The following EPHA5 variants were observed in gnomAD, a reference collection of about 807,000 sequenced individuals.
EPHA5 encodes EPH receptor A5, also known as ephrin type-A receptor 5.
Under a neutral mutation model 105.0 loss-of-function variants are expected in EPHA5, and 60 were observed. That is an observed-to-expected ratio of 0.57 (90% CI 0.46 to 0.71). The LOEUF (loss-of-function observed/expected upper bound fraction) is 0.71. Ranked by LOEUF, EPHA5 falls within the 30% of genes least tolerant of loss-of-function variation. The pLI is 0.00. For synonymous variants in EPHA5, 513 were observed against 449.1 expected, an observed-to-expected ratio of 1.14 and a Z score of -1.80; for missense variants, 1,218 against 1,274.7, an observed-to-expected ratio of 0.96 and a Z score of 0.68.
At chr4:65,400,939 A>G (rs1721751951) in intron 8 of EPHA5, among the ~76,000 whole-genome samples, 1 of 152,036 alleles carries the variant, frequency 6.6e-6, no homozygotes, top group Non-Finnish European at 1.5e-5. Flanking sequence ...TACTTAAATG[A>G]TATGTTACCT....
At chr4:65,493,981 C>T (rs1053136008) in intron 4 of EPHA5, among the ~76,000 whole-genome samples, 3 of 152,160 alleles carry the variant, frequency 2.0e-5, no homozygotes, top group African/African-American at 4.8e-5. Context: ...CATTCATTTG[C>T]TCTCATAAGC....
In EPHA5 at chr4:65,322,325, T is replaced by C. The variant is rs1719700701; in HGVS notation, c.*1789A>G. 4.5e-6 allele frequency: 1 copy of C among 224,542 alleles called. No homozygotes were observed. The highest frequency in any genetic ancestry group is 8.9e-6 in the Non-Finnish European group (1 of 112,548). 13.9% of individuals were successfully genotyped at this position (224,542 alleles called of 1,614,324 possible). ...TATTTCCCAAAAGTTTATTCTTATA[T>C]GTGCTAATATTCAAATAAAACAAGT... On this transcript the variant is annotated 3_prime_UTR_variant, in exon 17 of 17. Coordinates refer to ENST00000613740, the MANE Select transcript of EPHA5 (RefSeq NM_001281766.3).
At chr4:65,341,060 C>T (rs984323186) in intron 14 of EPHA5, among the ~76,000 whole-genome samples, 1 of 152,044 alleles carries the variant, frequency 6.6e-6, no homozygotes, top group Non-Finnish European at 1.5e-5. Context: ...TTCCCTTCAT[C>T]CCTCCTCAAT....
rs1427926861 is a variant in EPHA5, at chr4:65,490,703, G to C, written c.1076C>G (p.Ser359Cys). Residue 359 changes from serine to cysteine, a missense_variant, in exon 5 of 17, where the codon TCT (serine) becomes TGT (cysteine). Physicochemically the swap from Ser to Cys is moderately radical, Grantham distance 112. Coordinates refer to ENST00000613740, the MANE Select transcript of EPHA5 (RefSeq NM_001281766.3). ...PPTMACTRPPSAPRNAISNVN... is the reference protein window; with the variant it reads ...PPTMACTRPPCAPRNAISNVN... The stretch of plus-strand genomic sequence containing the variant: ...ATTTGAGATGGCATTCCGAGGAGCA[G>C]AGGGGGGTCCTGGTTTACAAAGTAA... 6.2e-7 allele frequency: 1 copy of C among 1,613,310 alleles called. No individual in the cohort carries two copies. The highest frequency in any genetic ancestry group is 1.7e-5 in the Admixed American group (1 of 60,012).
At chr4:65,642,746 A>AT (rs1747773747) in intron 2 of EPHA5, among the ~76,000 whole-genome samples, 1 of 151,990 alleles carries the variant, frequency 6.6e-6, no homozygotes, top group African/African-American at 2.4e-5. Context: ...ATTTGTTATA[A>AT]TATTTGATTA....
intron 3 of EPHA5, among the ~76,000 whole-genome samples, chr4:65,586,761 T>C (rs1483488087): frequency 6.6e-6 from 1 of 152,092 alleles, no homozygotes. Context: ...TCTCATTTAT[T>C]TCCAATTATA....
chr4:65,667,942 C>G (rs1750093333), intron 1 of EPHA5, among the ~76,000 whole-genome samples: 1 of 152,094 alleles, frequency 6.6e-6, no homozygotes, highest in South Asian at 2.1e-4. Context: ...TTATAATCCT[C>G]CAGACGTCTA....
intron 2 of EPHA5, among the ~76,000 whole-genome samples, chr4:65,617,782 G>A (rs1039142925): frequency 2.6e-5 from 4 of 152,062 alleles, no homozygotes; most frequent in African/African-American, 9.7e-5. Flanking sequence ...GAATCTAGTT[G>A]GAAAAGGGTA....
At chr4:65,552,310 T>C (rs538408740) in intron 3 of EPHA5, among the ~76,000 whole-genome samples, 2 of 152,222 alleles carry the variant, frequency 1.3e-5, no homozygotes, top group Non-Finnish European at 2.9e-5. Context: ...GTTAAAGCGA[T>C]ATCTTTCCAC....
At chr4:65,566,470 A>G (rs1739545027) in intron 3 of EPHA5, among the ~76,000 whole-genome samples, 1 of 151,790 alleles carries the variant, frequency 6.6e-6, no homozygotes, top group Non-Finnish European at 1.5e-5. Flanking sequence ...CTGTAATGCC[A>G]ATGGTGAACC....
At chr4:65,549,649 T>A (rs1256685050) in intron 3 of EPHA5, among the ~76,000 whole-genome samples, 1 of 152,096 alleles carries the variant, frequency 6.6e-6, no homozygotes, top group African/African-American at 2.4e-5. Flanking sequence ...AACTGATTAT[T>A]TACTGACAAA....
At chr4:65,656,588 TATATATATATA>T (rs1353601582) in intron 1 of EPHA5, among the ~76,000 whole-genome samples, 2 of 147,082 alleles carry the variant, frequency 1.4e-5, no homozygotes, top group Non-Finnish European at 3.0e-5. Context: ...ATATATATAT[TATATATATATA>T]ATATATATAT....
intron 3 of EPHA5, among the ~76,000 whole-genome samples, chr4:65,501,042 G>A (rs1373910248): frequency 6.6e-6 from 1 of 151,214 alleles, no homozygotes; most frequent in South Asian, 2.1e-4. Flanking sequence ...TAAGCTAAGT[G>A]AATTATATTT....
chr4:65,320,562 T>G lies in EPHA5; in HGVS notation c.*3552A>C, dbSNP rs1719562272. 4.4e-6 allele frequency: 1 copy of G among 229,518 alleles called. No individual in the cohort carries two copies. The allele number at this position is 229,518 out of a possible 1,614,324, so 14.2% of individuals were successfully genotyped here. A position where few individuals can be genotyped will look rare whatever the true frequency, so the allele number is the denominator to read the frequency against. On this transcript the variant is annotated 3_prime_UTR_variant, in exon 17 of 17. Transcript: ENST00000613740. ...AATAGTGTTTGCCATCCAATGCACT[T>G]TTATAGCCAAAAATGTCTTCAGAAG...
At chr4:65,396,596 A>G (rs1440127297) in intron 8 of EPHA5, among the ~76,000 whole-genome samples, 1 of 152,174 alleles carries the variant, frequency 6.6e-6, no homozygotes, top group Non-Finnish European at 1.5e-5. Flanking sequence ...ATGAAAGAGG[A>G]AGCACTTTCA....
intron 1 of EPHA5, among the ~76,000 whole-genome samples, chr4:65,665,330 G>A (rs1749876435): frequency 6.6e-6 from 1 of 151,964 alleles, no homozygotes; most frequent in Non-Finnish European, 1.5e-5. Flanking sequence ...CAAAAGTGTG[G>A]TGGAAATAAC....
chr4:65,569,358 CTT>C (rs1486146129), intron 3 of EPHA5, among the ~76,000 whole-genome samples: 2 of 151,374 alleles, frequency 1.3e-5, no homozygotes, highest in Admixed American at 6.6e-5. Flanking sequence ...AATGTTTAAA[CTT>C]AAGAGGAAAA....
rs544146667 is a variant in EPHA5 at position 65,436,368 on chromosome 4, A to G, written c.1403-15803T>C. ...TATAAACAGACACACACACACACAC[A>G]AAATGTAACTAACATCTATTAATTC... is the stretch of plus-strand genomic sequence containing the variant. On this transcript the variant is annotated intron_variant, in intron 5 of 16. Coordinates refer to ENST00000613740, the MANE Select transcript of EPHA5 (RefSeq NM_001281766.3). Among the ~76,000 whole-genome samples the G allele has an allele frequency of 1.7e-3, 253 of 152,016 alleles. 1 individual carries two copies. Among genetic ancestry groups the G allele is most frequent in the African/African-American group, 5.8e-3 (242 of 41,528 alleles).
At position 65,494,142 on chromosome 4, in the gene EPHA5, C is replaced by T. The variant is rs1578248254; in HGVS notation, c.1066+1246G>A. On this transcript the variant is annotated intron_variant, in intron 4 of 16. Transcript: ENST00000613740. ...GAAATTATTTTTCACTAGTAATCAT[C>T]TAACCCATGAAATCATCAGCTTTGG... Among the ~76,000 whole-genome samples the T allele has an allele frequency of 2.0e-5, 3 of 152,116 alleles. No homozygotes were observed. The South Asian group carries it at 6.2e-4, about 32-fold the overall frequency.
Sources: gnomAD v4.1 joint callset for allele counts (sites outside exome capture counted in the v4.1 genomes callset) on GRCh38, gnomAD v4.1.1 for gene constraint, MANE v1.5 for transcripts, NCBI Gene and HGNC (gene_info 2026-07-23, HGNC 2026-07-21) for gene names.